The following OSBPL10 variants were observed in gnomAD, a reference collection of about 807,000 sequenced individuals.
OSBPL10 encodes oxysterol-binding protein-related protein 10.
In OSBPL10, 49 loss-of-function variants were observed where a neutral mutation model predicts 81.7. That is an observed-to-expected ratio of 0.60 (90% CI 0.48 to 0.76). The LOEUF is 0.76. Ranked by LOEUF, OSBPL10 falls within the 30% of genes least tolerant of loss-of-function variation. The probability of loss-of-function intolerance (pLI) is 0.00; values close to 1 mark genes in which losing one functional copy is unlikely to be tolerated. For missense variants in OSBPL10, 923 were observed against 987.8 expected (o/e 0.93, Z 0.88); for synonymous variants, 419 against 383.6 (o/e 1.09, Z -1.08).
At chr3:31,743,672 A>G (rs75924522) in intron 5 of OSBPL10, among the ~76,000 whole-genome samples, 2 of 152,066 alleles carry the variant, frequency 1.3e-5, no homozygotes, top group Non-Finnish European at 2.9e-5. Flanking sequence ...GGAAAAAAAA[A>G]CAGTGCAAGG....
chr3:31,886,448 A>G (rs1238127706), intron 1 of OSBPL10, among the ~76,000 whole-genome samples: 1 of 152,198 alleles, frequency 6.6e-6, no homozygotes, highest in East Asian at 1.9e-4. Flanking sequence ...AAGAGGAATG[A>G]GCACCAAGCT....
At chr3:31,883,183 C>A (rs1320113631) in intron 1 of OSBPL10, among the ~76,000 whole-genome samples, 1 of 152,000 alleles carries the variant, frequency 6.6e-6, no homozygotes, top group Non-Finnish European at 1.5e-5. Context: ...GCCATGTGTG[C>A]CCCCCTACAC....
chr3:31,980,965 C>T lies in OSBPL10; in HGVS notation c.215G>A (p.Arg72Lys), dbSNP rs1698822707. ...CACGCCCTCGAGCGCCGGCTCCCTC[C>T]TGCGGCCGCCTCCCCCGGACGGGCT... ...AASPSGGGGR[R>K]REPALEGVLS... Residue 72 changes from arginine to lysine, a missense_variant, in exon 1 of 12, where the codon AGG (arginine) becomes AAG (lysine). This residue lies in a region of OSBPL10 where 514 missense variants were observed against 508.0 expected (regional missense o/e 1.01). Coordinates refer to ENST00000396556, the MANE Select transcript of OSBPL10 (RefSeq NM_017784.5). 1.3e-6 allele frequency: 2 copies of T among 1,569,990 alleles called. No homozygotes were observed. Among genetic ancestry groups the T allele is most frequent in the African/African-American group, 1.4e-5 (1 of 70,964 alleles).
At position 31,898,029 on chromosome 3, in the gene OSBPL10, AAAAAAAAAC is replaced by A. The variant is rs1476904626; in HGVS notation, c.282-18208_282-18200del. On this transcript the variant is annotated intron_variant, in intron 1 of 11. Transcript: ENST00000396556. ...GTCAAAAAAAAAAAAAAAAAAAAAA[AAAAAAAAAC>A]AGAAGAAGAAGAGAAAGGAATGATA... is the stretch of plus-strand genomic sequence containing the variant. 9.5e-5 allele frequency among the ~76,000 whole-genome samples: 11 copies of A among 116,396 alleles called. No individual in the cohort carries two copies. In the South Asian group the frequency reaches 2.7e-3, roughly 29 times the overall value. The allele number at this position is 116,396 out of a possible 152,430, so 76.4% of individuals were successfully genotyped here. A position where few individuals can be genotyped will look rare whatever the true frequency, so the allele number is the denominator to read the frequency against.
At chr3:31,991,136 C>T (rs1699023120) in intron 2 of OSBPL10, 3 of 777,216 alleles carry the variant, frequency 3.9e-6, no homozygotes, top group Admixed American at 2.9e-5. Context: ...CATTAATTGA[C>T]ATTAAAGTGT....
chr3:31,831,233 C>T (rs550164638), intron 3 of OSBPL10, among the ~76,000 whole-genome samples: 1 of 151,870 alleles, frequency 6.6e-6, no homozygotes, highest in Non-Finnish European at 1.5e-5. Context: ...ATGGAGAAAC[C>T]CCATCTCTAC....
At chr3:31,954,255 A>T (rs1381260545) in intron 1 of OSBPL10, among the ~76,000 whole-genome samples, 1 of 152,160 alleles carries the variant, frequency 6.6e-6, no homozygotes, top group African/African-American at 2.4e-5. Flanking sequence ...GGCCTGGAGG[A>T]GGTACTGAAT....
intron 2 of OSBPL10, among the ~76,000 whole-genome samples, chr3:32,025,799 G>A (rs1173991938): frequency 6.6e-6 from 1 of 151,868 alleles, no homozygotes; most frequent in Non-Finnish European, 1.5e-5. Context: ...CTTCTATAAG[G>A]TCAGTAGTAA....
intron 4 of OSBPL10, among the ~76,000 whole-genome samples, chr3:31,769,457 AAC>A (rs1559456924): frequency 5.6e-5 from 5 of 88,908 alleles, no homozygotes; most frequent in African/African-American, 2.2e-4. Context: ...AAAAAAAAAA[AAC>A]AAAAAAAAAA....
chr3:31,795,850 T>C (rs977414614), intron 4 of OSBPL10: 33 of 247,346 alleles, frequency 1.3e-4, no homozygotes, highest in African/African-American at 6.9e-5. Flanking sequence ...AGAAAGGCCA[T>C]ATGAGTGTGA....
intron 1 of OSBPL10, among the ~76,000 whole-genome samples, chr3:31,942,031 T>A (rs1697547022): frequency 6.6e-6 from 1 of 151,984 alleles, no homozygotes. Flanking sequence ...TCCCAGCACT[T>A]TGGGAAGCCG....
At chr3:31,977,518 GCCT>G (rs1435961280) in intron 1 of OSBPL10, among the ~76,000 whole-genome samples, 1 of 152,140 alleles carries the variant, frequency 6.6e-6, no homozygotes, top group African/African-American at 2.4e-5. Context: ...TAGGTCATCT[GCCT>G]CCTCAAGTTC....
chr3:31,858,342 A>G (rs1559494576), intron 3 of OSBPL10, among the ~76,000 whole-genome samples: 1 of 151,982 alleles, frequency 6.6e-6, no homozygotes, highest in African/African-American at 2.4e-5. Context: ...AATAAATTAA[A>G]TTTCTCTTTT....
Position 32,038,196 on chromosome 3 carries a change from G to A in OSBPL10, n.298+8295C>T, listed in dbSNP as rs554318319. The stretch of plus-strand genomic sequence containing the variant: ...AAAAAGTCAGAATGTATTACCTGCT[G>A]CATACAATACATGCTACAACACAGG... On this transcript the variant is annotated intron_variant and non_coding_transcript_variant, in intron 2 of 3. Coordinates refer to the OSBPL10 transcript ENST00000479173. Among the ~76,000 whole-genome samples the A allele has an allele frequency of 2.6e-5, 4 of 152,248 alleles. No individual in the cohort carries two copies. The South Asian group carries it at 8.3e-4, about 32-fold the overall frequency.
chr3:31,719,178 G>A (rs544310363), intron 6 of OSBPL10, among the ~76,000 whole-genome samples: 1 of 152,270 alleles, frequency 6.6e-6, no homozygotes, highest in East Asian at 1.9e-4. Flanking sequence ...AAGGATGTAA[G>A]GGGAATCTGA....
At chr3:31,752,498 T>C (rs537020727) in intron 4 of OSBPL10, among the ~76,000 whole-genome samples, 1 of 152,266 alleles carries the variant, frequency 6.6e-6, no homozygotes, top group South Asian at 2.1e-4. Context: ...ATAAGAAACT[T>C]GTCAGAGAGG....
intron 5 of OSBPL10, among the ~76,000 whole-genome samples, chr3:31,744,639 C>A (rs1697464852): frequency 6.6e-6 from 1 of 151,374 alleles, no homozygotes; most frequent in South Asian, 2.1e-4. Context: ...GGAGGTAGCA[C>A]CTGATGTGAC....
Position 31,664,078 on chromosome 3 carries a change from C to T in OSBPL10, c.2250+1G>A. 5 of 1,614,114 alleles carry T rather than the reference C, an allele frequency of 3.1e-6. No homozygotes were observed. Among genetic ancestry groups the T allele is most frequent in the Non-Finnish European group, 4.2e-6 (5 of 1,180,030 alleles). ...GGACCAATGACAGGCGGCAGAGTTA[C>T]CTCCTGGATAAAATATTTGGGCTTC... On this transcript the variant is annotated splice_donor_variant, in intron 11 of 11. Coordinates refer to ENST00000396556, the MANE Select transcript of OSBPL10 (RefSeq NM_017784.5). LOFTEE classifies it high-confidence loss of function.
At chr3:31,706,216 G>A (rs1696058965) in intron 6 of OSBPL10, among the ~76,000 whole-genome samples, 1 of 152,158 alleles carries the variant, frequency 6.6e-6, no homozygotes, top group African/African-American at 2.4e-5. Context: ...GGGGTTTAGG[G>A]ACATTCCCTG....
Sources: gnomAD v4.1 joint callset for allele counts (sites outside exome capture counted in the v4.1 genomes callset) on GRCh38, gnomAD v4.1.1 for gene constraint, gnomAD v4.1.1 regional missense constraint, MANE v1.5 for transcripts, NCBI Gene and HGNC (gene_info 2026-07-23, HGNC 2026-07-21) for gene names.